Variants in TMEM87B observed in about 807,000 individuals in gnomAD.
TMEM87B encodes transmembrane protein 87B.
In TMEM87B, 83 loss-of-function variants were observed where a neutral mutation model predicts 80.3. That is an observed-to-expected ratio of 1.03 (90% CI 0.87 to 1.24). The LOEUF (loss-of-function observed/expected upper bound fraction) is 1.24. TMEM87B is among the 50% of genes most tolerant of loss of function. The probability of loss-of-function intolerance (pLI) is 0.00; values close to 1 mark genes in which losing one functional copy is unlikely to be tolerated. For missense variants in TMEM87B, 625 were observed against 674.4 expected (o/e 0.93, Z 0.81); for synonymous variants, 219 against 230.5 (o/e 0.95, Z 0.45).
chr2:112,098,571 A>G, intron 13 of TMEM87B, 24 bp from the exon 14 acceptor site: 7 of 1,610,472 alleles, frequency 4.3e-6, no homozygotes, highest in Non-Finnish European at 5.9e-6. Context: ...TTAACGTTTC[A>G]TGCTTGAATT....
chr2:112,084,514 G>A (rs927276918), intron 8 of TMEM87B, among the ~76,000 whole-genome samples: 18 of 152,148 alleles, frequency 1.2e-4, no homozygotes, highest in Middle Eastern at 3.2e-3. Context: ...TGTTCCTCTC[G>A]CTGCATGATA....
rs572171784 is a variant in TMEM87B at position 112,056,013 on chromosome 2, C to G, written c.165+257C>G. ...TCGGGTCCGAGCGCTCGGACTGTTA[C>G]TGAGGGTCACCATGCCCGACGCCGT... On this transcript the variant is annotated intron_variant, in intron 1 of 18. Transcript: ENST00000283206. Among the ~76,000 whole-genome samples the G allele has an allele frequency of 2.3e-3, 347 of 152,298 alleles. 2 individuals are homozygous for G. Among genetic ancestry groups the G allele is most frequent in the Middle Eastern group, 0.014 (4 of 294 alleles).
chr2:112,097,344 G>T, intron 13 of TMEM87B, 53 bp downstream of exon 13: 1 of 1,418,098 alleles, frequency 7.1e-7, no homozygotes, highest in Non-Finnish European at 9.6e-7. Flanking sequence ...CTATTTTGTA[G>T]AATTTTGAAC....
Position 112,107,768 on chromosome 2 carries a change from A to C in TMEM87B, c.1525-20A>C, listed in dbSNP as rs374485651. 1.3e-6 allele frequency: 2 copies of C among 1,503,226 alleles called. No homozygotes were observed. The highest frequency in any genetic ancestry group is 1.8e-6 in the Non-Finnish European group (2 of 1,096,846). The allele number at this position is 1,503,226 out of a possible 1,614,324, so 93.1% of individuals were successfully genotyped here. On this transcript the variant is annotated intron_variant, in intron 16 of 18. Transcript: ENST00000283206. The stretch of plus-strand genomic sequence containing the variant: ...TGTCAGGTGATATTAAGCAAATGCT[A>C]AGTATAAATATTTCTACAGGATGAA...
Position 112,060,043 on chromosome 2 carries a change from TATAATAAA to T in TMEM87B, c.226+8_226+15del, listed in dbSNP as rs1176313721. The stretch of plus-strand genomic sequence containing the variant: ...TACAGATATCAAGTTATCTGGTAAG[TATAATAAA>T]ACAATAAAATACTAGACTGGGCGCA... On this transcript the variant is annotated splice_region_variant and intron_variant, in intron 2 of 18. Transcript: ENST00000283206. 5 of 1,571,740 alleles carry T rather than the reference TATAATAAA, an allele frequency of 3.2e-6. No homozygotes were observed. Among genetic ancestry groups the T allele is most frequent in the Non-Finnish European group, 4.3e-6 (5 of 1,153,756 alleles).
intron 5 of TMEM87B, among the ~76,000 whole-genome samples, chr2:112,076,082 A>G (rs557067707): frequency 1.1e-4 from 16 of 152,102 alleles, no homozygotes; most frequent in Admixed American, 1.3e-4. Context: ...TCTTCCCCCA[A>G]TTCAATTTAA....
intron 4 of TMEM87B, among the ~76,000 whole-genome samples, chr2:112,069,141 G>A (rs1283157576): frequency 4.8e-5 from 7 of 147,168 alleles, no homozygotes; most frequent in East Asian, 2.0e-4. Context: ...GCAGTGAGCC[G>A]AGATTGCGCC....
chr2:112,064,883 C>T (rs1678372588), intron 3 of TMEM87B, among the ~76,000 whole-genome samples: 1 of 152,040 alleles, frequency 6.6e-6, no homozygotes, highest in African/African-American at 2.4e-5. Context: ...ATATGGGTTT[C>T]CATATCTTTT....
rs779187711 is a variant in TMEM87B, at chr2:112,118,677, GAAAAT to G, written c.*2537_*2541del. 2 of 151,978 alleles carry G rather than the reference GAAAAT, an allele frequency of 1.3e-5. No homozygotes were observed. Among genetic ancestry groups the G allele is most frequent in the African/African-American group, 2.4e-5 (1 of 41,370 alleles). 9.4% of individuals were successfully genotyped at this position (151,978 alleles called of 1,614,324 possible). ...AATGTTCCCATATTTTTCTTGTAAA[GAAAAT>G]AATATTTTAACTTACACATCCTGTA... On this transcript the variant is annotated 3_prime_UTR_variant, in exon 19 of 19. Transcript: ENST00000283206.
rs148351246 is a variant in TMEM87B, at chr2:112,094,194, G to A, written c.1104+2411G>A. 6.4e-3 allele frequency among the ~76,000 whole-genome samples: 893 copies of A among 139,230 alleles called. 10 individuals carry two copies. Among genetic ancestry groups the A allele is most frequent in the African/African-American group, 0.023 (845 of 37,154 alleles). 91.3% of individuals were successfully genotyped at this position (139,230 alleles called of 152,430 possible). A position where few individuals can be genotyped will look rare whatever the true frequency, so the allele number is the denominator to read the frequency against. The stretch of plus-strand genomic sequence containing the variant: ...TTTTTTTTTTTTAAGACGGAGTCTC[G>A]CTCTGTCACCAGGTTGGAGTGCAGT... On this transcript the variant is annotated intron_variant, in intron 11 of 18. Coordinates refer to ENST00000283206, the MANE Select transcript of TMEM87B (RefSeq NM_032824.3).
chr2:112,096,984 C>A, intron 11 of TMEM87B, 60 bp from the exon 12 acceptor site: 1 of 1,122,054 alleles, frequency 8.9e-7, no homozygotes, highest in South Asian at 1.4e-5. Context: ...GTAGAAGATT[C>A]TGTTTTTTTT....
At chr2:112,093,889 C>T (rs935988904) in intron 11 of TMEM87B, among the ~76,000 whole-genome samples, 1 of 152,142 alleles carries the variant, frequency 6.6e-6, no homozygotes. Context: ...CTGGGATAGG[C>T]AGAATGACAG....
chr2:112,059,293 G>A (rs1678173451), intron 1 of TMEM87B, among the ~76,000 whole-genome samples: 1 of 152,030 alleles, frequency 6.6e-6, no homozygotes, highest in African/African-American at 2.4e-5. Context: ...GAAGAAGAAA[G>A]GGTGCTAGGG....
In TMEM87B at chr2:112,097,077, C is replaced by T; in HGVS notation, c.1138C>T (p.Leu380=). 6.2e-7 allele frequency: 1 copy of T among 1,607,724 alleles called. No homozygotes were observed. Among genetic ancestry groups the T allele is most frequent in the Non-Finnish European group, 8.5e-7 (1 of 1,178,136 alleles). Residue 380 remains leucine (L), a synonymous_variant, in exon 12 of 19, where the codon CTA becomes TTA. Transcript: ENST00000283206. ...FISLAQTMKT[L]RLRKNTVKFS... is the part of the protein sequence containing the mutation. ...TAGTTTGGCACAAACTATGAAGACC[C>T]TAAGGCTAAGAAAGAACACTGTGAA... is the stretch of plus-strand genomic sequence containing the variant.
intron 9 of TMEM87B, among the ~76,000 whole-genome samples, chr2:112,088,771 T>A (rs1271763028): frequency 6.6e-6 from 1 of 152,208 alleles, no homozygotes; most frequent in African/African-American, 2.4e-5. Context: ...TTGTTTTTGT[T>A]TTTTTGGAGA....
At chr2:112,087,362 C>G (rs1290319338) in intron 9 of TMEM87B, among the ~76,000 whole-genome samples, 1 of 152,152 alleles carries the variant, frequency 6.6e-6, no homozygotes, top group East Asian at 1.9e-4. Flanking sequence ...ATCCCCTTGC[C>G]ACTATTTTCT....
intron 4 of TMEM87B, among the ~76,000 whole-genome samples, chr2:112,071,057 C>T (rs1678612572): frequency 6.6e-6 from 1 of 151,760 alleles, no homozygotes; most frequent in African/African-American, 2.4e-5. Flanking sequence ...GATCTCCTGA[C>T]TTCATGATCC....
chr2:112,109,718 C>T (rs1679861368), intron 17 of TMEM87B, among the ~76,000 whole-genome samples: 1 of 109,060 alleles, frequency 9.2e-6, no homozygotes, highest in Non-Finnish European at 1.8e-5. Flanking sequence ...TTGAGCTTCT[C>T]AGATCCATGT....
intron 1 of TMEM87B, among the ~76,000 whole-genome samples, chr2:112,056,660 T>C (rs1252371929): frequency 2.0e-5 from 3 of 152,184 alleles, no homozygotes; most frequent in East Asian, 3.8e-4. Context: ...ATGAGACTTA[T>C]ATTTTGATTT....
Sources: allele counts gnomAD v4.1 joint callset (sites outside exome capture counted in the v4.1 genomes callset), GRCh38; gene constraint gnomAD v4.1.1; transcripts MANE v1.5; gene names NCBI Gene and HGNC (gene_info 2026-07-23, HGNC 2026-07-21).